RBFOX2: variants seen among roughly 807,000 people sequenced by gnomAD.
The protein encoded by RBFOX2 is RNA binding protein fox-1 homolog 2.
RBFOX2 carries 10 observed loss-of-function variants against 49.1 expected under a neutral mutation model. The ratio of observed to expected loss-of-function variants is 0.20; its 90% CI spans 0.13 to 0.35. The LOEUF is 0.35. RBFOX2 is among the 10% of genes least tolerant of loss of function. The probability of loss-of-function intolerance (pLI) is 1.00; values close to 1 mark genes in which losing one functional copy is unlikely to be tolerated. For missense variants in RBFOX2, 323 were observed against 486.9 expected, an observed-to-expected ratio of 0.66 and a Z score of 3.17; for synonymous variants, 183 against 187.4, an observed-to-expected ratio of 0.98 and a Z score of 0.19.
At chr22:36,025,268 C>T (rs2059389926) in intron 1 of RBFOX2, among the ~76,000 whole-genome samples, 1 of 152,132 alleles carries the variant, frequency 6.6e-6, no homozygotes, top group Admixed American at 6.6e-5. Flanking sequence ...TGCCTGTGCA[C>T]CCTCACCTCC....
chr22:35,817,294 G>A (rs1315637100), intron 1 of RBFOX2, among the ~76,000 whole-genome samples: 3 of 151,778 alleles, frequency 2.0e-5, no homozygotes, highest in Admixed American at 6.6e-5. Flanking sequence ...CCTGGCCAAC[G>A]TGGTGAAACT....
chr22:35,756,266 A>G (rs1362969468), intron 9 of RBFOX2, 122 bp from the exon 11 acceptor site: 2 of 811,166 alleles, frequency 2.5e-6, no homozygotes, highest in African/African-American at 1.8e-5. Flanking sequence ...TGAATACATA[A>G]CCTGGGCTTG....
intron 1 of RBFOX2, among the ~76,000 whole-genome samples, chr22:35,861,717 C>G (rs1176249424): frequency 6.6e-6 from 1 of 152,122 alleles, no homozygotes; most frequent in Admixed American, 6.6e-5. Flanking sequence ...AATGTGGAAA[C>G]AGTTTAGCAA....
At chr22:35,962,061 T>C (rs1267882929), upstream of RBFOX2, among the ~76,000 whole-genome samples, 1 of 152,100 alleles carries the variant, frequency 6.6e-6, no homozygotes, top group South Asian at 2.1e-4. Flanking sequence ...AACAAAAAAC[T>C]ATGCAAAAAA....
intron 2 of RBFOX2, among the ~76,000 whole-genome samples, chr22:35,799,959 C>T (rs1406110316): frequency 6.6e-6 from 1 of 151,580 alleles, no homozygotes; most frequent in Non-Finnish European, 1.5e-5. Context: ...ACCTCAAAGA[C>T]CCCCTTCCCC....
chr22:35,897,139 A>G (rs973438554), intron 1 of RBFOX2: 1 of 528,718 alleles, frequency 1.9e-6, no homozygotes, highest in Non-Finnish European at 3.4e-6. Context: ...TTTAACCTCA[A>G]ATGTTTTAAT....
intron 1 of RBFOX2, among the ~76,000 whole-genome samples, chr22:35,892,682 T>C (rs544273086): frequency 1.3e-5 from 2 of 152,320 alleles, no homozygotes; most frequent in African/African-American, 2.4e-5. Context: ...TACAGTATGT[T>C]TGACAGTTTT....
chr22:36,013,132 G>A (rs900521914), intron 1 of RBFOX2, among the ~76,000 whole-genome samples: 4 of 151,920 alleles, frequency 2.6e-5, no homozygotes, highest in African/African-American at 9.7e-5. Flanking sequence ...TCCTTAGCTG[G>A]GCATGGTGGC....
intron 1 of RBFOX2, among the ~76,000 whole-genome samples, chr22:36,001,844 A>C (rs892160267): frequency 2.0e-5 from 3 of 152,074 alleles, no homozygotes; most frequent in Admixed American, 1.3e-4. Flanking sequence ...CGGGCGGATC[A>C]CTTGAGGTCA....
chr22:35,954,052 G>A (rs557833304), intron 1 of RBFOX2, among the ~76,000 whole-genome samples: 4 of 152,080 alleles, frequency 2.6e-5, no homozygotes, highest in African/African-American at 9.6e-5. Flanking sequence ...CTCATATTCA[G>A]GCATATATAA....
intron 1 of RBFOX2, chr22:35,824,514 T>C (rs1032660946): frequency 3.9e-5 from 6 of 152,202 alleles, no homozygotes; most frequent in East Asian, 1.9e-4. Flanking sequence ...GATTACAACA[T>C]TGAATCCTTT....
intron 3 of RBFOX2, among the ~76,000 whole-genome samples, chr22:35,780,368 CAA>C (rs1056826871): frequency 1.6e-5 from 2 of 129,018 alleles, no homozygotes. Context: ...AACAAACAAA[CAA>C]AAAAAAAAAA....
chr22:35,828,576 C>T (rs1956216919), intron 1 of RBFOX2, among the ~76,000 whole-genome samples: 1 of 152,188 alleles, frequency 6.6e-6, no homozygotes, highest in Non-Finnish European at 1.5e-5. Flanking sequence ...GAAAGAAATA[C>T]AGGGAACAGT....
At chr22:35,959,524 C>T (rs941900054) in intron 1 of RBFOX2, among the ~76,000 whole-genome samples, 11 of 152,304 alleles carry the variant, frequency 7.2e-5, no homozygotes, top group African/African-American at 2.6e-4. Context: ...AAAAGCAGTG[C>T]TTCTCAAATG....
At chr22:35,789,485 A>T (rs1358606430) in intron 2 of RBFOX2, among the ~76,000 whole-genome samples, 2 of 152,108 alleles carry the variant, frequency 1.3e-5, no homozygotes, top group African/African-American at 4.8e-5. Context: ...AGAGGTTGCA[A>T]TGAGCTGAGA....
At chr22:35,937,617 G>C (rs1436263829) in intron 1 of RBFOX2, among the ~76,000 whole-genome samples, 1 of 152,120 alleles carries the variant, frequency 6.6e-6, no homozygotes, top group African/African-American at 2.4e-5. Context: ...TTGAGACAAA[G>C]TCTCGCTCTA....
chr22:35,981,917 C>T (rs937093486), intron 1 of RBFOX2, among the ~76,000 whole-genome samples: 2 of 152,094 alleles, frequency 1.3e-5, no homozygotes, highest in Non-Finnish European at 2.9e-5. Context: ...CTATTTTATC[C>T]AGCAGCAGGA....
chr22:35,991,891 TCAAA>T (rs1241393287), intron 1 of RBFOX2, among the ~76,000 whole-genome samples: 6 of 152,078 alleles, frequency 3.9e-5, no homozygotes, highest in Non-Finnish European at 7.4e-5. Flanking sequence ...AATTAACAAA[TCAAA>T]CAATTACTTT....
Position 35,820,985 on chromosome 22 carries a change from G to A in RBFOX2, c.28-10981C>T, listed in dbSNP as rs1354556142. Among the ~76,000 whole-genome samples, 4 of 152,134 alleles carry A rather than the reference G, an allele frequency of 2.6e-5. No homozygotes were observed. In the East Asian group the frequency reaches 7.7e-4, roughly 29 times the overall value. On this transcript the variant is annotated intron_variant, in intron 1 of 11. Coordinates refer to ENST00000405409, the Ensembl canonical transcript of RBFOX2. ...GGCAGACTTGGCAGAACCTGGCAAC[G>A]GGTATGAAGGAGAAGAAGACTACTA...
Sources: allele counts gnomAD v4.1 joint callset (sites outside exome capture counted in the v4.1 genomes callset), GRCh38; gene constraint gnomAD v4.1.1; transcripts MANE v1.5; gene names NCBI Gene and HGNC (gene_info 2026-07-23, HGNC 2026-07-21).